The following TSHZ3 variants were observed in gnomAD, a reference collection of about 807,000 sequenced individuals.
The protein encoded by TSHZ3 is teashirt zinc finger homeobox 3.
In TSHZ3, 10 loss-of-function variants were observed where a neutral mutation model predicts 64.5. The observed-to-expected ratio is 0.16, with a 90% CI of 0.10 to 0.26. TSHZ3 has a LOEUF of 0.26. TSHZ3 is among the 10% of genes least tolerant of loss of function. The pLI is 1.00. For synonymous variants in TSHZ3, 608 were observed against 593.1 expected, an observed-to-expected ratio of 1.03 and a Z score of -0.36; for missense variants, 1,242 against 1,421.7, an observed-to-expected ratio of 0.87 and a Z score of 2.03.
chr19:31,289,156 C>T (rs192000190), intron 1 of TSHZ3, among the ~76,000 whole-genome samples: 1 of 152,306 alleles, frequency 6.6e-6, no homozygotes, highest in East Asian at 1.9e-4. Flanking sequence ...CTCCACACAG[C>T]TCCACACAGA....
At chr19:31,300,932 T>C (rs1976745835) in intron 1 of TSHZ3, among the ~76,000 whole-genome samples, 1 of 152,116 alleles carries the variant, frequency 6.6e-6, no homozygotes, top group Non-Finnish European at 1.5e-5. Context: ...TGTCAAAATG[T>C]AAGATTATGC....
At chr19:31,254,931 G>A (rs1975889556) in intron 1 of TSHZ3, among the ~76,000 whole-genome samples, 1 of 152,216 alleles carries the variant, frequency 6.6e-6, no homozygotes, top group South Asian at 2.1e-4. Context: ...CCAGCATCTG[G>A]AGAAGGTGGT....
intron 1 of TSHZ3, among the ~76,000 whole-genome samples, chr19:31,333,150 A>AAATCAATC (rs1555739567): frequency 3.8e-4 from 52 of 138,048 alleles, no homozygotes; most frequent in Middle Eastern, 3.7e-3. Context: ...ATAAATAAAT[A>AAATCAATC]AATCCAGGGG....
downstream of TSHZ3, among the ~76,000 whole-genome samples, chr19:31,272,406 G>A (rs111777414): frequency 3.9e-5 from 6 of 152,250 alleles, no homozygotes; most frequent in African/African-American, 1.4e-4. Flanking sequence ...CACAACCTCT[G>A]TCTGAGCGCA....
Position 31,277,130 on chromosome 19 carries a change from G to T in TSHZ3, c.2663C>A (p.Ala888Asp). ...TLEEAEESTP[A>D]QKRKGRQSNW... Reference sequence around the variant, plus strand: ...TGACTGGCGGCCCTTCCTCTTCTGGGCGGGCGTCGACTCCTCAGCCTCCTC... The same window carrying T: ...TGACTGGCGGCCCTTCCTCTTCTGGTCGGGCGTCGACTCCTCAGCCTCCTC... The change falls in exon 2 of 2, where the codon GCC becomes GAC. Residue 888 changes from alanine to aspartate, a missense_variant. By Grantham distance (126) the Ala-to-Asp change is moderately radical. Transcript: ENST00000240587. The surrounding 1 kb of genome is among the most constrained non-coding windows in gnomAD (Gnocchi z 4.5). 1 of 1,606,304 alleles carries T rather than the reference G, an allele frequency of 6.2e-7. No individual in the cohort carries two copies. The highest frequency in any genetic ancestry group is 8.5e-7 in the Non-Finnish European group (1 of 1,174,952).
intron 3 of TSHZ3, among the ~76,000 whole-genome samples, chr19:31,241,141 T>C (rs1208399017): frequency 6.6e-6 from 1 of 152,190 alleles, no homozygotes; most frequent in Non-Finnish European, 1.5e-5. Context: ...CTGTTATCTT[T>C]TCATAGGAAT....
rs1018391448 is a variant in TSHZ3, at chr19:31,275,159, T to C, written c.*1388A>G. 3 of 152,512 alleles carry C rather than the reference T, an allele frequency of 2.0e-5. No individual in the cohort carries two copies. The highest frequency in any genetic ancestry group is 7.2e-5 in the African/African-American group (3 of 41,402). The allele number at this position is 152,512 out of a possible 1,614,324, so 9.4% of individuals were successfully genotyped here. ...CTGCCAAAAATGGAGAAGAACAGAA[T>C]CACTTGGAGAGCCGGTAACCACGGG... On this transcript the variant is annotated 3_prime_UTR_variant, in exon 2 of 2. Transcript: ENST00000240587.
At position 31,278,409 on chromosome 19, in the gene TSHZ3, T is replaced by C. The variant is rs1976294051; in HGVS notation, c.1384A>G (p.Ile462Val). ...ACCTCCACATTCAGTTTTGGGGAGA[T>C]GCTGGCAGGTGTATTGGAGGGGGAC... ...FTSPSNTPAS[I>V]SPKLNVEVKK... The change falls in exon 2 of 2, where the codon ATC becomes GTC. Residue 462 changes from isoleucine (I) to valine (V), a missense_variant. Physicochemically the swap from Ile to Val is conservative, Grantham distance 29 (BLOSUM62 3). Coordinates refer to ENST00000240587, the MANE Select transcript of TSHZ3 (RefSeq NM_020856.4). This position sits in a 1 kb window ranked among gnomAD's most constrained non-coding sequence, Gnocchi z 4.7. 8 of 1,614,134 alleles carry C rather than the reference T, an allele frequency of 5.0e-6. No homozygotes were observed. The highest frequency in any genetic ancestry group is 6.8e-6 in the Non-Finnish European group (8 of 1,180,024).
intron 1 of TSHZ3, among the ~76,000 whole-genome samples, chr19:31,299,292 G>A (rs1307598582): frequency 3.9e-5 from 6 of 152,186 alleles, no homozygotes; most frequent in African/African-American, 1.2e-4. Context: ...GGTGTGCTTG[G>A]TGAGTCTGTT....
intron 1 of TSHZ3, among the ~76,000 whole-genome samples, chr19:31,260,975 A>T (rs1419158429): frequency 1.3e-5 from 2 of 152,178 alleles, no homozygotes; most frequent in Non-Finnish European, 2.9e-5. Context: ...TATTAAATAG[A>T]AGGCCAATTT....
intron 5 of TSHZ3, among the ~76,000 whole-genome samples, chr19:31,161,725 C>G (rs563322522): frequency 2.0e-5 from 3 of 152,174 alleles, no homozygotes; most frequent in African/African-American, 7.2e-5. Context: ...TTTTTAGAAC[C>G]GGCCTATTCT....
rs748193756 is a variant in TSHZ3 at position 31,279,315 on chromosome 19, A to AGCT, written c.475_477dup (p.Ser159dup). ...TGCCAGTCGAAGCTCCCGCTGCCAC[A>AGCT]GCTGCTGCTGCTGCTACTGCTGCTG... On this transcript the variant is annotated inframe_insertion, in exon 2 of 2. Transcript: ENST00000240587. The surrounding 1 kb of genome is among the most constrained non-coding windows in gnomAD (Gnocchi z 6.4). 3.1e-6 allele frequency: 5 copies of AGCT among 1,613,678 alleles called. No individual in the cohort carries two copies. Among genetic ancestry groups the AGCT allele is most frequent in the Admixed American group, 1.7e-5 (1 of 59,960 alleles).
At chr19:31,159,444 C>T (rs1400357691) in intron 5 of TSHZ3, among the ~76,000 whole-genome samples, 2 of 152,156 alleles carry the variant, frequency 1.3e-5, no homozygotes, top group African/African-American at 2.4e-5. Flanking sequence ...TGAACACCTT[C>T]GGGGAGGTCT....
chr19:31,165,452 C>G (rs929902890), intron 5 of TSHZ3, among the ~76,000 whole-genome samples: 1 of 152,002 alleles, frequency 6.6e-6, no homozygotes, highest in Non-Finnish European at 1.5e-5. Context: ...TCTATAAGAC[C>G]ACAACAGGGG....
At chr19:31,232,441 T>A (rs1156774674) in intron 3 of TSHZ3, among the ~76,000 whole-genome samples, 1 of 152,214 alleles carries the variant, frequency 6.6e-6, no homozygotes, top group East Asian at 1.9e-4. Flanking sequence ...CAGCTCCACC[T>A]GGCTGTGGTT....
intron 1 of TSHZ3, among the ~76,000 whole-genome samples, chr19:31,326,755 G>C (rs749830191): frequency 6.6e-6 from 1 of 152,240 alleles, no homozygotes; most frequent in South Asian, 2.1e-4. Context: ...AGACAGGAGG[G>C]AAAGGCAGTT....
intron 5 of TSHZ3, among the ~76,000 whole-genome samples, chr19:31,159,244 A>G (rs1974342388): frequency 6.6e-6 from 1 of 152,028 alleles, no homozygotes; most frequent in Non-Finnish European, 1.5e-5. Flanking sequence ...CCGGTAATCC[A>G]CCTGCCTTTG....
At chr19:31,255,036 G>A (rs957592883) in intron 1 of TSHZ3, among the ~76,000 whole-genome samples, 1 of 152,192 alleles carries the variant, frequency 6.6e-6, no homozygotes, top group African/African-American at 2.4e-5. Context: ...AGCTAGAGGA[G>A]AGTCTGGGTT....
At position 31,185,724 on chromosome 19, in the gene TSHZ3, A is replaced by G. The variant is rs139719813; in HGVS notation, n.809+19232T>C. On this transcript the variant is annotated intron_variant and non_coding_transcript_variant, in intron 5 of 6. Coordinates refer to the TSHZ3 transcript ENST00000651361. Reference sequence around the variant, plus strand: ...AGACACATAAGTGTAGAGACAGATGAGTTTTGGCACATGCACAGCCACGTG... The same window carrying G: ...AGACACATAAGTGTAGAGACAGATGGGTTTTGGCACATGCACAGCCACGTG... Among the ~76,000 whole-genome samples, 19 of 152,286 alleles carry G rather than the reference A, an allele frequency of 1.2e-4. No homozygotes were observed. The East Asian group carries it at 3.7e-3, about 29-fold the overall frequency.
Sources: allele counts gnomAD v4.1 joint callset (sites outside exome capture counted in the v4.1 genomes callset), GRCh38; gene constraint gnomAD v4.1.1; non-coding constraint Gnocchi (gnomAD v3.1); transcripts MANE v1.5; gene names NCBI Gene and HGNC (gene_info 2026-07-23, HGNC 2026-07-21).